TMEM255B: variants seen among roughly 807,000 people sequenced by gnomAD.
The protein encoded by TMEM255B is family with sequence similarity 70, member B.
Under a neutral mutation model 34.5 loss-of-function variants are expected in TMEM255B, and 35 were observed. That is an observed-to-expected ratio of 1.01 (90% CI 0.77 to 1.34). The LOEUF (loss-of-function observed/expected upper bound fraction) is 1.34, where lower values mean the gene tolerates loss of function less well. Among genes scored for constraint, TMEM255B ranks in the 40% most tolerant of loss-of-function variants. The pLI, the probability that TMEM255B is intolerant of heterozygous loss-of-function variation, is 0.00. For synonymous variants in TMEM255B, 206 were observed against 201.2 expected (o/e 1.02, Z -0.20); for missense variants, 432 against 433.2 (o/e 1.00, Z 0.02).
chr13:113,768,861 A>G (rs1052716542), intron 2 of TMEM255B: 4 of 610,854 alleles, frequency 6.5e-6, no homozygotes, highest in African/African-American at 5.5e-5. Context: ...AGCCAAACAG[A>G]TGCATCATTA....
In TMEM255B at chr13:113,806,267, A is replaced by G. The variant is rs778234596; in HGVS notation, c.813+1239A>G. Reference sequence around the variant, plus strand: ...GAGGAGGGAGCAGGAACCAGCACTCATGGAGATGGTGCGTCTGGGGGTCCC... The same window carrying G: ...GAGGAGGGAGCAGGAACCAGCACTCGTGGAGATGGTGCGTCTGGGGGTCCC... On this transcript the variant is annotated intron_variant, in intron 8 of 8. Transcript: ENST00000375353. The surrounding 1 kb of genome is among the most constrained non-coding windows in gnomAD (Gnocchi z 4.2). Among the ~76,000 whole-genome samples the G allele has an allele frequency of 3.9e-5, 6 of 151,980 alleles. No individual in the cohort carries two copies. The highest frequency in any genetic ancestry group is 8.8e-5 in the Non-Finnish European group (6 of 67,968).
chr13:113,804,267 G>A (rs1055428892), intron 7 of TMEM255B, among the ~76,000 whole-genome samples: 2 of 152,176 alleles, frequency 1.3e-5, no homozygotes, highest in Non-Finnish European at 2.9e-5. Context: ...AAGTGTGGAC[G>A]GGAGCTCAGG....
At chr13:113,774,719 ATACAC>A (rs1283300280) in intron 3 of TMEM255B, among the ~76,000 whole-genome samples, 1 of 147,016 alleles carries the variant, frequency 6.8e-6, no homozygotes, top group Non-Finnish European at 1.5e-5. Context: ...TACACACCAC[ATACAC>A]TACACACACG....
chr13:113,777,649 G>A lies in TMEM255B; in HGVS notation c.252+8489G>A, dbSNP rs1403541060. On this transcript the variant is annotated intron_variant, in intron 3 of 8. Transcript: ENST00000375353. ...CTCCCGCCCGGGTCCACCAGGCTTT[G>A]CTCAAAGGAGGATGGTCTTGGGAAG... Among the ~76,000 whole-genome samples the A allele has an allele frequency of 2.0e-5, 3 of 152,224 alleles. No individual in the cohort carries two copies. In the East Asian group the frequency reaches 5.8e-4, roughly 29 times the overall value.
At chr13:113,784,046 G>A (rs1361529974) in intron 3 of TMEM255B, among the ~76,000 whole-genome samples, 1 of 152,124 alleles carries the variant, frequency 6.6e-6, no homozygotes, top group African/African-American at 2.4e-5. Context: ...GCCATTGGCT[G>A]TCGTTATCTA....
In TMEM255B at chr13:113,766,191, C is replaced by T. The variant is rs145271168; in HGVS notation, c.123C>T (p.Thr41=). 825 of 1,614,088 alleles carry T rather than the reference C, an allele frequency of 5.1e-4. 7 individuals are homozygous for T. The highest frequency in any genetic ancestry group is 5.8e-4 in the Admixed American group (35 of 60,010). Residue 41 remains threonine, a synonymous_variant, in exon 2 of 9, where the codon ACC becomes ACT. Coordinates refer to ENST00000375353, the MANE Select transcript of TMEM255B (RefSeq NM_182614.4). ...SLLLVSVLIV[T]VGLAATTRTE... is the part of the protein sequence containing the mutation. ...TGCTGGTGTCCGTCCTCATAGTCAC[C>T]GTCGGGCTGGCTGCCACCACCAGGA...
At chr13:113,801,603 G>A (rs772003413) in intron 6 of TMEM255B, 50 bp from the exon 7 acceptor site, 6 of 1,536,478 alleles carry the variant, frequency 3.9e-6, no homozygotes, top group South Asian at 1.3e-5. Context: ...TTTAACTTGC[G>A]GGTGGTCACT....
chr13:113,759,520 C>T lies in TMEM255B; in HGVS notation c.46+205C>T, dbSNP rs77905744. Among the ~76,000 whole-genome samples, 76 of 152,038 alleles carry T rather than the reference C, an allele frequency of 5.0e-4. No homozygotes were observed. In the East Asian group the frequency reaches 0.011, roughly 23 times the overall value. Reference sequence around the variant, plus strand: ...CGGGCGTTCGTCCTACCGGTTCGTTCATTCATTCTCTCTCCCTGTCTCTCT... The same window carrying T: ...CGGGCGTTCGTCCTACCGGTTCGTTTATTCATTCTCTCTCCCTGTCTCTCT... On this transcript the variant is annotated intron_variant, in intron 1 of 8. Coordinates refer to ENST00000375353, the MANE Select transcript of TMEM255B (RefSeq NM_182614.4).
intron 3 of TMEM255B, among the ~76,000 whole-genome samples, chr13:113,775,730 C>A (rs748894898): frequency 6.6e-6 from 1 of 152,266 alleles, no homozygotes; most frequent in Non-Finnish European, 1.5e-5. Context: ...ACTCGCTGGG[C>A]ACCCAGCTCG....
At chr13:113,768,666 T>G (rs7400345) in intron 2 of TMEM255B, among the ~76,000 whole-genome samples, 113,633 of 152,186 alleles carry the variant, frequency 0.75, 42,770 homozygotes, top group South Asian at 0.84. Flanking sequence ...TGGTGGCCCT[T>G]GTGCCTGGCA....
At chr13:113,790,598 G>T (rs547507206) in intron 3 of TMEM255B, among the ~76,000 whole-genome samples, 6 of 144,352 alleles carry the variant, frequency 4.2e-5, no homozygotes, top group African/African-American at 1.6e-4. Flanking sequence ...GACCGGACAC[G>T]TAGACATCCT....
chr13:113,800,221 ATG>A (rs1193476622), intron 5 of TMEM255B: 1 of 32,192 alleles, frequency 3.1e-5, no homozygotes, highest in Non-Finnish European at 5.3e-5. Flanking sequence ...GAGGCATGCC[ATG>A]TGTGTATGTG....
rs2051389165 is a variant in TMEM255B, at chr13:113,815,259, CGG to C, written c.*3357_*3358del. The C allele has an allele frequency of 6.6e-6, 1 of 150,774 alleles. No homozygotes were observed. The highest frequency in any genetic ancestry group is 2.4e-5 in the African/African-American group (1 of 40,868). The allele number at this position is 150,774 out of a possible 1,614,324, so 9.3% of individuals were successfully genotyped here. On this transcript the variant is annotated 3_prime_UTR_variant, in exon 9 of 9. Coordinates refer to ENST00000375353, the MANE Select transcript of TMEM255B (RefSeq NM_182614.4). Reference sequence around the variant, plus strand: ...CAAAGAGAGGAAGGGACATGGGTGACGGTCCGTCCACGTGGGGTCACCGGCCA... The same window carrying C: ...CAAAGAGAGGAAGGGACATGGGTGACTCCGTCCACGTGGGGTCACCGGCCA...
intron 4 of TMEM255B, 25 bp downstream of exon 4, chr13:113,795,262 C>T: frequency 6.2e-7 from 1 of 1,604,006 alleles, no homozygotes; most frequent in Non-Finnish European, 8.5e-7. Context: ...ATTGTGTGCA[C>T]AGTCGCTTTC....
intron 7 of TMEM255B, chr13:113,803,267 A>G (rs1267647945): frequency 6.7e-6 from 1 of 148,192 alleles, no homozygotes; most frequent in African/African-American, 2.5e-5. Flanking sequence ...CCTCGAACCC[A>G]AAGCTCAGGG....
chr13:113,790,335 C>T (rs187505448), intron 3 of TMEM255B, among the ~76,000 whole-genome samples: 2 of 112,694 alleles, frequency 1.8e-5, no homozygotes, highest in African/African-American at 2.8e-5. Context: ...GTGGACTGAC[C>T]GGACACATAG....
chr13:113,773,309 T>A (rs1280486791), intron 3 of TMEM255B, among the ~76,000 whole-genome samples: 1 of 152,264 alleles, frequency 6.6e-6, no homozygotes, highest in African/African-American at 2.4e-5. Context: ...TGGAACTCAT[T>A]TCTTTGTTCT....
In TMEM255B at chr13:113,768,000, CAT is replaced by C. The variant is rs1439352035; in HGVS notation, c.190-1097_190-1096del. 6 of 313,412 alleles carry C rather than the reference CAT, an allele frequency of 1.9e-5. No homozygotes were observed. In the East Asian group the frequency reaches 5.5e-4, roughly 29 times the overall value. 19.4% of individuals were successfully genotyped at this position (313,412 alleles called of 1,614,324 possible). On this transcript the variant is annotated intron_variant, in intron 2 of 8. Coordinates refer to ENST00000375353, the MANE Select transcript of TMEM255B (RefSeq NM_182614.4). Reference sequence around the variant, plus strand: ...ATTCTCAAACCGTTGGTGAAAGCCACATGTGTACGTGTCTATCACCACAGACA... The same window carrying C: ...ATTCTCAAACCGTTGGTGAAAGCCACGTGTACGTGTCTATCACCACAGACA...
chr13:113,791,961 G>A (rs531185360), intron 3 of TMEM255B, among the ~76,000 whole-genome samples: 11 of 152,274 alleles, frequency 7.2e-5, no homozygotes, highest in East Asian at 3.9e-4. Flanking sequence ...GATCCAGGCC[G>A]GCACCCACGA....
Sources: allele counts gnomAD v4.1 joint callset (sites outside exome capture counted in the v4.1 genomes callset), GRCh38; gene constraint gnomAD v4.1.1; non-coding constraint Gnocchi (gnomAD v3.1); transcripts MANE v1.5; gene names NCBI Gene and HGNC (gene_info 2026-07-23, HGNC 2026-07-21).